SNX13: variants seen among roughly 807,000 people sequenced by gnomAD.
SNX13 encodes the protein sorting nexin 13, also known as sorting nexin-13.
A neutral mutation model predicts 133.6 loss-of-function variants in SNX13; 45 were observed. That is an observed-to-expected ratio of 0.34 (90% CI 0.27 to 0.43). The LOEUF is 0.43. Ranked by LOEUF, SNX13 falls within the 20% of genes least tolerant of loss-of-function variation. The pLI, the probability that SNX13 is intolerant of heterozygous loss-of-function variation, is 1.00. For synonymous variants in SNX13, 414 were observed against 373.9 expected, an observed-to-expected ratio of 1.11 and a Z score of -1.24; for missense variants, 1,032 against 1,145.1, an observed-to-expected ratio of 0.90 and a Z score of 1.43.
chr7:17,888,572 T>C (rs889720312), intron 5 of SNX13: 1 of 407,538 alleles, frequency 2.5e-6, no homozygotes, highest in Non-Finnish European at 4.9e-6. Flanking sequence ...TTCTGGACCT[T>C]AGCTTCCTCA....
chr7:17,822,031 T>C (rs745531302), intron 17 of SNX13, among the ~76,000 whole-genome samples: 2 of 152,146 alleles, frequency 1.3e-5, no homozygotes, highest in Admixed American at 6.6e-5. Context: ...AAATTTAATA[T>C]AGAAAAAATA....
chr7:17,937,285 T>C (rs937031596), intron 1 of SNX13, among the ~76,000 whole-genome samples: 99 of 152,218 alleles, frequency 6.5e-4, no homozygotes, highest in African/African-American at 2.3e-3. Flanking sequence ...TATTCCATTT[T>C]AGCTTAATAT....
chr7:17,819,158 A>C (rs1468506917), intron 18 of SNX13, among the ~76,000 whole-genome samples: 1 of 152,212 alleles, frequency 6.6e-6, no homozygotes, highest in Non-Finnish European at 1.5e-5. Flanking sequence ...TTTTCTTATA[A>C]GTCTCCATAA....
chr7:17,821,038 T>C (rs2723552), intron 18 of SNX13, among the ~76,000 whole-genome samples: 1 of 151,810 alleles, frequency 6.6e-6, no homozygotes, highest in East Asian at 1.9e-4. Context: ...ATTTATTTTA[T>C]GTTGTGATTC....
At chr7:17,839,665 G>A (rs1789632771) in intron 13 of SNX13, 142 bp downstream of exon 13, 15 of 578,554 alleles carry the variant, frequency 2.6e-5, no homozygotes, top group South Asian at 1.2e-4. Context: ...TCACTTAAAC[G>A]AGGATACAGA....
intron 8 of SNX13, 108 bp downstream of exon 8, chr7:17,873,420 G>T (rs560815970): frequency 6.3e-6 from 3 of 472,774 alleles, no homozygotes; most frequent in South Asian, 6.5e-5. Context: ...AAGCTCTTTG[G>T]AGTCTTCAAT....
intron 2 of SNX13, among the ~76,000 whole-genome samples, chr7:17,895,565 A>G (rs1310688888): frequency 6.6e-6 from 1 of 152,164 alleles, no homozygotes; most frequent in Non-Finnish European, 1.5e-5. Context: ...TATTCTCTAG[A>G]GTTTTTTAGT....
intron 9 of SNX13, among the ~76,000 whole-genome samples, chr7:17,853,104 G>A (rs556140905): frequency 2.0e-5 from 3 of 152,224 alleles, no homozygotes; most frequent in Admixed American, 6.5e-5. Context: ...TGATTGCAAG[G>A]CAAGAATAAG....
intron 8 of SNX13, among the ~76,000 whole-genome samples, 192 bp from the exon 9 acceptor site, chr7:17,868,682 C>T (rs1249118945): frequency 6.6e-6 from 1 of 152,060 alleles, no homozygotes; most frequent in Admixed American, 6.5e-5. Flanking sequence ...ATACAGTTAC[C>T]TGTATCAACT....
At chr7:17,930,513 A>G (rs1801277746) in intron 1 of SNX13, among the ~76,000 whole-genome samples, 1 of 152,198 alleles carries the variant, frequency 6.6e-6, no homozygotes, top group Admixed American at 6.5e-5. Context: ...TGCCTATTAT[A>G]TGATTGAATA....
At chr7:17,845,253 A>C (rs1790360764) in intron 12 of SNX13, among the ~76,000 whole-genome samples, 1 of 152,178 alleles carries the variant, frequency 6.6e-6, no homozygotes, top group Admixed American at 6.5e-5. Flanking sequence ...GGGCATATCC[A>C]CGTTAAGTGA....
At chr7:17,810,256 A>ATTT (rs1785852924) in intron 20 of SNX13, among the ~76,000 whole-genome samples, 2 of 152,182 alleles carry the variant, frequency 1.3e-5, no homozygotes, top group Non-Finnish European at 2.9e-5. Flanking sequence ...AGAAGAATCA[A>ATTT]ATAGACACAA....
chr7:17,875,889 G>T, intron 5 of SNX13, 99 bp from the exon 6 acceptor site: 1 of 955,848 alleles, frequency 1.0e-6, no homozygotes, highest in Non-Finnish European at 1.5e-6. Context: ...GATTATCTGA[G>T]ACTGTAAATT....
At chr7:17,910,997 A>G (rs1388710130) in intron 1 of SNX13, among the ~76,000 whole-genome samples, 1 of 152,212 alleles carries the variant, frequency 6.6e-6, no homozygotes, top group African/African-American at 2.4e-5. Flanking sequence ...AATGAACTCA[A>G]TACCAATGAA....
chr7:17,835,290 GTAT>G (rs1789009295), intron 13 of SNX13, among the ~76,000 whole-genome samples: 1 of 151,886 alleles, frequency 6.6e-6, no homozygotes, highest in Non-Finnish European at 1.5e-5. Flanking sequence ...TACTAGATGT[GTAT>G]TAATATGACT....
chr7:17,891,657 T>C, intron 3 of SNX13, 22 bp from the exon 4 acceptor site: 1 of 1,554,308 alleles, frequency 6.4e-7, no homozygotes, highest in South Asian at 1.1e-5. Flanking sequence ...TCAAAATATC[T>C]TACTGAGTAG....
chr7:17,920,808 A>G (rs796602869), intron 1 of SNX13, among the ~76,000 whole-genome samples: 7 of 152,340 alleles, frequency 4.6e-5, no homozygotes, highest in African/African-American at 7.2e-5. Flanking sequence ...CTCTAAGTCT[A>G]TATCATTTCT....
chr7:17,803,057 T>C (rs1185205650), intron 21 of SNX13, among the ~76,000 whole-genome samples: 2 of 152,220 alleles, frequency 1.3e-5, no homozygotes, highest in Non-Finnish European at 2.9e-5. Context: ...GAGTGAATAC[T>C]AGTATAACTC....
intron 9 of SNX13, among the ~76,000 whole-genome samples, chr7:17,859,208 T>G (rs1251643027): frequency 6.6e-6 from 1 of 152,074 alleles, no homozygotes; most frequent in South Asian, 2.1e-4. Flanking sequence ...GATAAAGAAC[T>G]TCTATGTAGA....
Sources: gnomAD v4.1 joint callset for allele counts (sites outside exome capture counted in the v4.1 genomes callset) on GRCh38, gnomAD v4.1.1 for gene constraint, MANE v1.5 for transcripts, NCBI Gene and HGNC (gene_info 2026-07-23, HGNC 2026-07-21) for gene names.